Variants in FAM174A observed in about 807,000 individuals in gnomAD.
FAM174A encodes membrane protein FAM174A.
FAM174A carries 14 observed loss-of-function variants against 14.3 expected under a neutral mutation model. The observed-to-expected ratio is 0.98, with a 90% CI of 0.65 to 1.53. The LOEUF (loss-of-function observed/expected upper bound fraction) is 1.53. FAM174A is among the 40% of genes most tolerant of loss of function. The pLI, the probability that FAM174A is intolerant of heterozygous loss-of-function variation, is 0.00. For missense variants in FAM174A, 241 were observed against 249.6 expected (o/e 0.97, Z 0.23); for synonymous variants, 108 against 111.4 (o/e 0.97, Z 0.19).
chr5:100,581,335 C>A, intron 2 of FAM174A: 1 of 980,802 alleles, frequency 1.0e-6, no homozygotes. Context: ...ATTGATTCTC[C>A]ACTTTTTTCA....
At chr5:100,561,731 A>G (rs1328515904) in intron 1 of FAM174A, among the ~76,000 whole-genome samples, 1 of 151,972 alleles carries the variant, frequency 6.6e-6, no homozygotes, top group East Asian at 1.9e-4. Context: ...GTAAAGAAGT[A>G]CCTGACCTAA....
rs1474528314 is a variant in FAM174A, at chr5:100,535,765, T to C, written c.235T>C (p.Ser79Pro). The C allele has an allele frequency of 1.9e-6, 3 of 1,605,068 alleles. No individual in the cohort carries two copies. The highest frequency in any genetic ancestry group is 1.7e-5 in the Admixed American group (1 of 59,508). Reference protein sequence around the residue: ...GLAEAAGPRGSEGGNGSNPVA... With the variant: ...GLAEAAGPRGPEGGNGSNPVA... ...GGCTGAAGCTGCGGGGCCGCGGGGCTCCGAGGGAGGCAATGGCAGCAACCC... is the reference window on the plus strand; with the variant it reads ...GGCTGAAGCTGCGGGGCCGCGGGGCCCCGAGGGAGGCAATGGCAGCAACCC... Residue 79 changes from serine (S) to proline (P), a missense_variant, in exon 1 of 3, where the codon TCC becomes CCC. By Grantham distance (74) the Ser-to-Pro change is moderately conservative (BLOSUM62 -1). Transcript: ENST00000312637.
chr5:100,558,243 T>C (rs1413452359), intron 1 of FAM174A, among the ~76,000 whole-genome samples: 3 of 152,016 alleles, frequency 2.0e-5, no homozygotes, highest in African/African-American at 4.8e-5. Context: ...TGTAGTTGAG[T>C]GGTTTTGAGT....
chr5:100,540,564 G>T (rs563106014), intron 1 of FAM174A, among the ~76,000 whole-genome samples: 1 of 152,096 alleles, frequency 6.6e-6, no homozygotes, highest in African/African-American at 2.4e-5. Flanking sequence ...GTACTAGTTC[G>T]CAAGTAATGA....
intron 2 of FAM174A, among the ~76,000 whole-genome samples, chr5:100,569,187 C>A (rs752647459): frequency 6.6e-6 from 1 of 151,748 alleles, no homozygotes; most frequent in East Asian, 1.9e-4. Flanking sequence ...ATGTTTACCT[C>A]ATTTCTTACA....
At chr5:100,583,714 T>C (rs1253087888) in intron 2 of FAM174A, among the ~76,000 whole-genome samples, 1 of 152,192 alleles carries the variant, frequency 6.6e-6, no homozygotes, top group African/African-American at 2.4e-5. Context: ...TGTGAAGTCA[T>C]GTGCAACATC....
chr5:100,578,787 G>C (rs1320745322), intron 2 of FAM174A, among the ~76,000 whole-genome samples: 1 of 152,034 alleles, frequency 6.6e-6, no homozygotes, highest in East Asian at 1.9e-4. Context: ...TACCTATTAA[G>C]CTTAGCAGCA....
chr5:100,554,211 T>C (rs1297853068), intron 1 of FAM174A, among the ~76,000 whole-genome samples: 1 of 152,100 alleles, frequency 6.6e-6, no homozygotes, highest in African/African-American at 2.4e-5. Context: ...CTCACTCTTA[T>C]GTAATCACTT....
At chr5:100,543,935 T>C (rs1746115373) in intron 1 of FAM174A, among the ~76,000 whole-genome samples, 1 of 152,240 alleles carries the variant, frequency 6.6e-6, no homozygotes, top group African/African-American at 2.4e-5. Flanking sequence ...ACCTGTGTTA[T>C]GACATTATTT....
At chr5:100,568,948 T>C (rs1580374508) in intron 2 of FAM174A, among the ~76,000 whole-genome samples, 1 of 150,338 alleles carries the variant, frequency 6.7e-6, no homozygotes, top group African/African-American at 2.5e-5. Context: ...TTTTATTTTA[T>C]TTTATAAGGA....
intron 1 of FAM174A, among the ~76,000 whole-genome samples, chr5:100,548,844 T>C (rs1192124464): frequency 6.6e-6 from 1 of 152,152 alleles, no homozygotes; most frequent in Non-Finnish European, 1.5e-5. Flanking sequence ...TGAGGAGTTT[T>C]ACTATAATGT....
At chr5:100,556,272 G>A (rs1458092478) in intron 1 of FAM174A, among the ~76,000 whole-genome samples, 1 of 152,088 alleles carries the variant, frequency 6.6e-6, no homozygotes, top group Non-Finnish European at 1.5e-5. Flanking sequence ...CATTATTTCT[G>A]AGGGCTCTGT....
At position 100,535,584 on chromosome 5, in the gene FAM174A, C is replaced by T. The variant is rs766349236; in HGVS notation, c.54C>T (p.Leu18=). 6.2e-7 allele frequency: 1 copy of T among 1,613,294 alleles called. No homozygotes were observed. The highest frequency in any genetic ancestry group is 8.5e-7 in the Non-Finnish European group (1 of 1,179,972). ...CCLSHLLASV[L]LLLLLPELSG... ...TCAGCCACCTCTTGGCTTCCGTCCTCCTCCTGCTGTTGCTGCCTGAACTAA... is the reference window on the plus strand; with the variant it reads ...TCAGCCACCTCTTGGCTTCCGTCCTTCTCCTGCTGTTGCTGCCTGAACTAA... The change falls in exon 1 of 3, where the codon CTC becomes CTT. Residue 18 remains leucine, a synonymous_variant. Transcript: ENST00000312637.
intron 1 of FAM174A, among the ~76,000 whole-genome samples, chr5:100,541,585 G>C (rs1476806928): frequency 6.6e-6 from 1 of 151,950 alleles, no homozygotes; most frequent in Non-Finnish European, 1.5e-5. Context: ...GCCATTAGTG[G>C]GGAAAGAGCA....
intron 1 of FAM174A, among the ~76,000 whole-genome samples, chr5:100,560,630 C>A (rs1277409521): frequency 6.6e-6 from 1 of 151,992 alleles, no homozygotes; most frequent in East Asian, 1.9e-4. Context: ...CTTAATAAGA[C>A]TCAATTATTT....
intron 1 of FAM174A, among the ~76,000 whole-genome samples, chr5:100,550,044 C>A (rs1403422084): frequency 2.0e-5 from 3 of 152,054 alleles, no homozygotes; most frequent in African/African-American, 7.2e-5. Context: ...AAAGGATAAA[C>A]TTCAGTTATT....
chr5:100,572,569 A>T (rs1281667579), intron 2 of FAM174A, among the ~76,000 whole-genome samples: 1 of 151,868 alleles, frequency 6.6e-6, no homozygotes, highest in Non-Finnish European at 1.5e-5. Flanking sequence ...TGTCCCTACA[A>T]AGGACATGAA....
chr5:100,558,922 A>AT (rs1403746942), intron 1 of FAM174A, among the ~76,000 whole-genome samples: 1 of 152,142 alleles, frequency 6.6e-6, no homozygotes, highest in African/African-American at 2.4e-5. Flanking sequence ...TAATTGGAGC[A>AT]TTTAGCCCAT....
chr5:100,580,903 A>AGTTT (rs139187894), intron 2 of FAM174A, among the ~76,000 whole-genome samples: 30 of 151,970 alleles, frequency 2.0e-4, no homozygotes, highest in Middle Eastern at 3.4e-3. Context: ...TCTGTTGCAG[A>AGTTT]GTTTGTTTGT....
Sources: allele counts gnomAD v4.1 joint callset (sites outside exome capture counted in the v4.1 genomes callset), GRCh38; gene constraint gnomAD v4.1.1; transcripts MANE v1.5; gene names NCBI Gene and HGNC (gene_info 2026-07-23, HGNC 2026-07-21).